Variants in SIPA1L1 observed in about 807,000 individuals in gnomAD.
SIPA1L1 encodes the protein signal-induced proliferation-associated 1-like protein 1.
Under a neutral mutation model 162.7 loss-of-function variants are expected in SIPA1L1, and 26 were observed. The ratio of observed to expected loss-of-function variants is 0.16; its 90% CI spans 0.12 to 0.22. SIPA1L1 has a LOEUF of 0.22. Ranked by LOEUF, SIPA1L1 falls within the 10% of genes least tolerant of loss-of-function variation. The pLI is 1.00. For missense variants in SIPA1L1, 1,874 were observed against 2,241.0 expected (o/e 0.84, Z 3.31); for synonymous variants, 829 against 837.4 (o/e 0.99, Z 0.17).
intron 5 of SIPA1L1, among the ~76,000 whole-genome samples, chr14:71,599,093 A>G (rs1486395589): frequency 2.0e-5 from 3 of 151,080 alleles, no homozygotes; most frequent in South Asian, 4.2e-4. Flanking sequence ...TTCACTTAAC[A>G]TAATGATCTG....
At chr14:71,637,354 A>C (rs759757190) in intron 7 of SIPA1L1, among the ~76,000 whole-genome samples, 26 of 152,136 alleles carry the variant, frequency 1.7e-4, no homozygotes, top group Non-Finnish European at 3.7e-4. Flanking sequence ...TTGTACATTC[A>C]CTTAACTTTT....
chr14:71,493,446 A>G (rs1286925303), intron 2 of SIPA1L1, among the ~76,000 whole-genome samples: 1 of 152,180 alleles, frequency 6.6e-6, no homozygotes, highest in African/African-American at 2.4e-5. Flanking sequence ...TTTTACTGCT[A>G]TGTTTGTGAA....
chr14:71,414,849 G>T (rs893903916), intron 2 of SIPA1L1, among the ~76,000 whole-genome samples: 2 of 152,154 alleles, frequency 1.3e-5, no homozygotes, highest in Admixed American at 1.3e-4. Flanking sequence ...TCGAGTGACT[G>T]TACTGGCTTA....
chr14:71,390,433 C>G (rs2040653927), intron 2 of SIPA1L1, among the ~76,000 whole-genome samples: 1 of 152,132 alleles, frequency 6.6e-6, no homozygotes, highest in African/African-American at 2.4e-5. Flanking sequence ...ATGTACATAG[C>G]TATTCTTCAA....
chr14:71,635,780 C>T (rs977760047), intron 7 of SIPA1L1, among the ~76,000 whole-genome samples: 2 of 151,946 alleles, frequency 1.3e-5, no homozygotes, highest in African/African-American at 2.4e-5. Flanking sequence ...AATTAAAGGA[C>T]AGAGATTGGT....
At chr14:71,582,155 A>C (rs547043471) in intron 4 of SIPA1L1, among the ~76,000 whole-genome samples, 1 of 152,138 alleles carries the variant, frequency 6.6e-6, no homozygotes, top group African/African-American at 2.4e-5. Flanking sequence ...GCAACATAGC[A>C]ATACCCTGTT....
At chr14:71,395,414 G>A (rs568343583) in intron 2 of SIPA1L1, among the ~76,000 whole-genome samples, 14 of 152,174 alleles carry the variant, frequency 9.2e-5, no homozygotes, top group East Asian at 1.9e-4. Flanking sequence ...AAATCCTAGC[G>A]TTTTGGGAGG....
chr14:71,711,162 A>G (rs2150025901), intron 17 of SIPA1L1, among the ~76,000 whole-genome samples: 1 of 152,358 alleles, frequency 6.6e-6, no homozygotes, highest in East Asian at 1.9e-4. Context: ...TCCAAGCAAA[A>G]GGAAATTGGG....
intron 2 of SIPA1L1, among the ~76,000 whole-genome samples, chr14:71,325,017 G>T (rs2033623978): frequency 6.6e-6 from 1 of 152,188 alleles, no homozygotes; most frequent in Admixed American, 6.5e-5. Flanking sequence ...TGCTGGTTGG[G>T]TGAATGCCCT....
chr14:71,395,793 T>A (rs117904042), intron 2 of SIPA1L1, among the ~76,000 whole-genome samples: 209 of 152,318 alleles, frequency 1.4e-3, no homozygotes, highest in Non-Finnish European at 2.5e-3. Flanking sequence ...ATGGAGGGAT[T>A]TATATTTATT....
At chr14:71,457,930 A>G (rs1335216108) in intron 2 of SIPA1L1, among the ~76,000 whole-genome samples, 1 of 152,076 alleles carries the variant, frequency 6.6e-6, no homozygotes, top group East Asian at 1.9e-4. Context: ...AGTTCCTTAT[A>G]TGTCCTAGAT....
chr14:71,422,496 G>A (rs2043259691), intron 2 of SIPA1L1, among the ~76,000 whole-genome samples: 1 of 151,976 alleles, frequency 6.6e-6, no homozygotes, highest in South Asian at 2.1e-4. Context: ...CACTGCCCAG[G>A]CCCTGATGTC....
intron 13 of SIPA1L1, among the ~76,000 whole-genome samples, chr14:71,693,722 CTT>C (rs377621033): frequency 1.6e-4 from 22 of 139,304 alleles, no homozygotes; most frequent in South Asian, 2.3e-4. Context: ...TTTTTCTTTT[CTT>C]TTTTTTTTTT....
chr14:71,733,633 A>G (rs775685986), intron 20 of SIPA1L1, 33 bp from the exon 21 acceptor site: 6 of 1,607,892 alleles, frequency 3.7e-6, no homozygotes, highest in Non-Finnish European at 5.1e-6. Context: ...CCACAGGCAC[A>G]AGAAGCATCT....
chr14:71,607,753 A>T lies in SIPA1L1; in HGVS notation c.1499-11004A>T, dbSNP rs74361851. 2.5e-3 allele frequency among the ~76,000 whole-genome samples: 385 copies of T among 152,350 alleles called. 2 individuals carry two copies. Among genetic ancestry groups the T allele is most frequent in the African/African-American group, 9.1e-3 (378 of 41,580 alleles). On this transcript the variant is annotated intron_variant, in intron 5 of 23. Transcript: ENST00000381232. Reference sequence around the variant, plus strand: ...TTTCTTTAATTAAAAAGTGCCCAGCATGCAAAAGCACCATACTTTGGGGTA... The same window carrying T: ...TTTCTTTAATTAAAAAGTGCCCAGCTTGCAAAAGCACCATACTTTGGGGTA...
chr14:71,342,620 T>C (rs151043882), intron 2 of SIPA1L1, among the ~76,000 whole-genome samples: 230 of 152,346 alleles, frequency 1.5e-3, no homozygotes, highest in Non-Finnish European at 2.5e-3. Flanking sequence ...AAAGTTCTTG[T>C]AGTTAACTTA....
intron 17 of SIPA1L1, among the ~76,000 whole-genome samples, chr14:71,710,793 G>C (rs1209373813): frequency 7.2e-5 from 10 of 139,344 alleles, no homozygotes; most frequent in African/African-American, 2.7e-4. Context: ...GGGCAACAGA[G>C]TGAGATTCTG....
At chr14:71,650,593 C>T (rs181225126) in intron 8 of SIPA1L1, 84 bp downstream of exon 8, 95 of 1,312,430 alleles carry the variant, frequency 7.2e-5, no homozygotes, top group Non-Finnish European at 9.9e-5. Context: ...CGTAAAGCAA[C>T]ATTGCCATTT....
At chr14:71,728,091 A>G (rs951523853) in intron 19 of SIPA1L1, among the ~76,000 whole-genome samples, 3 of 152,220 alleles carry the variant, frequency 2.0e-5, no homozygotes, top group Non-Finnish European at 4.4e-5. Flanking sequence ...GGGATACTGG[A>G]AAAGGAAATC....
Sources: allele counts gnomAD v4.1 joint callset (sites outside exome capture counted in the v4.1 genomes callset), GRCh38; gene constraint gnomAD v4.1.1; transcripts MANE v1.5; gene names NCBI Gene and HGNC (gene_info 2026-07-23, HGNC 2026-07-21).